NSMAF: variants seen among roughly 807,000 people sequenced by gnomAD.
The protein encoded by NSMAF is protein FAN.
A neutral mutation model predicts 134.9 loss-of-function variants in NSMAF; 90 were observed. The observed-to-expected ratio is 0.67, with a 90% CI of 0.56 to 0.79. The LOEUF (loss-of-function observed/expected upper bound fraction) is 0.79. Ranked by LOEUF, NSMAF falls within the 30% of genes least tolerant of loss-of-function variation. The pLI is 0.00. For missense variants in NSMAF, 1,010 were observed against 1,119.0 expected, an observed-to-expected ratio of 0.90 and a Z score of 1.39; for synonymous variants, 358 against 389.6, an observed-to-expected ratio of 0.92 and a Z score of 0.96.
At chr8:58,658,626 C>T (rs956891415) in intron 1 of NSMAF, among the ~76,000 whole-genome samples, 3 of 152,206 alleles carry the variant, frequency 2.0e-5, no homozygotes, top group Admixed American at 2.0e-4. Flanking sequence ...AGATCTGTGG[C>T]TCTCACAATC....
intron 6 of NSMAF, among the ~76,000 whole-genome samples, chr8:58,626,417 T>C (rs1238790212): frequency 1.3e-5 from 2 of 152,176 alleles, no homozygotes; most frequent in Non-Finnish European, 2.9e-5. Flanking sequence ...CTTATGTCTT[T>C]GCATTCTCAT....
intron 1 of NSMAF, 183 bp downstream of exon 1, chr8:58,659,390 G>A (rs560063238): frequency 1.0e-4 from 156 of 1,518,158 alleles, no homozygotes; most frequent in Non-Finnish European, 1.3e-4. Context: ...CCAGGCCCCC[G>A]GCCTCTCACC....
At chr8:58,643,177 T>C (rs1395542699) in intron 1 of NSMAF, 104 bp from the exon 2 acceptor site, 4 of 803,440 alleles carry the variant, frequency 5.0e-6, no homozygotes, top group African/African-American at 1.7e-5. Flanking sequence ...CATTCTTGAA[T>C]TTAACAAACA....
intron 9 of NSMAF, among the ~76,000 whole-genome samples, chr8:58,612,798 A>G (rs1806560266): frequency 6.6e-6 from 1 of 152,172 alleles, no homozygotes; most frequent in East Asian, 1.9e-4. Flanking sequence ...CTGTGTTGAC[A>G]GCATAGTAGG....
rs904533547 is a variant in NSMAF, at chr8:58,623,126, C to G, written c.557+94G>C. 3.1e-6 allele frequency: 3 copies of G among 960,962 alleles called. No individual in the cohort carries two copies. In the African/African-American group the frequency reaches 4.9e-5, roughly 16 times the overall value. 59.5% of individuals were successfully genotyped at this position (960,962 alleles called of 1,614,324 possible). ...TAAGACAAGCAGGTTTTGGGTGAGA[C>G]CAATGATGACAGCAGGCTTGGATTT... On this transcript the variant is annotated intron_variant, in intron 9 of 30. Coordinates refer to ENST00000038176, the MANE Select transcript of NSMAF (RefSeq NM_003580.4).
chr8:58,593,806 C>T (rs140586276), intron 23 of NSMAF, among the ~76,000 whole-genome samples: 97 of 152,220 alleles, frequency 6.4e-4, no homozygotes, highest in Non-Finnish European at 9.6e-4. Flanking sequence ...TCAAATATCC[C>T]GAAGAAATAT....
chr8:58,624,858 A>C (rs1806881091), intron 6 of NSMAF, among the ~76,000 whole-genome samples: 1 of 152,096 alleles, frequency 6.6e-6, no homozygotes. Flanking sequence ...ATCTCCTACC[A>C]TTATTGTGTT....
chr8:58,586,489 T>G lies in NSMAF; in HGVS notation c.2415A>C (p.Ser805=). 6.2e-7 allele frequency: 1 copy of G among 1,610,268 alleles called. No homozygotes were observed. Among genetic ancestry groups the G allele is most frequent in the Non-Finnish European group, 8.5e-7 (1 of 1,179,984 alleles). The change falls in exon 28 of 31, where the codon TCA becomes TCC. Residue 805 remains serine, a synonymous_variant. Coordinates refer to ENST00000038176, the MANE Select transcript of NSMAF (RefSeq NM_003580.4). The part of the protein sequence containing the change: ...ATLMHQIPCH[S]GIVCDTAFSP... ...TAAAAGCAGTGTCACATACAATCCC[T>G]GAATGGCATGGAATCTGGTGCATTA...
intron 25 of NSMAF, 35 bp downstream of exon 25, chr8:58,589,972 C>G: frequency 1.9e-6 from 3 of 1,580,586 alleles, no homozygotes; most frequent in Non-Finnish European, 2.6e-6. Context: ...CTATTCTGCA[C>G]GTCGAATCAC....
intron 9 of NSMAF, among the ~76,000 whole-genome samples, chr8:58,614,283 T>A (rs1042305434): frequency 6.6e-6 from 1 of 152,232 alleles, no homozygotes; most frequent in African/African-American, 2.4e-5. Flanking sequence ...CTGAAGACTC[T>A]CCCAGCACTC....
chr8:58,603,204 A>T lies in NSMAF; in HGVS notation c.1045+6T>A, dbSNP rs753351808. 1.4e-5 allele frequency: 22 copies of T among 1,613,650 alleles called. No individual in the cohort carries two copies. In the African/African-American group the frequency reaches 2.7e-4, roughly 20 times the overall value. ...ACTTGGTCAGAATTCCACGTGTGGC[A>T]GTTACCTAGTTCTGAGCTGGAATAA... On this transcript the variant is annotated splice_donor_region_variant and intron_variant, in intron 13 of 30. Coordinates refer to ENST00000038176, the MANE Select transcript of NSMAF (RefSeq NM_003580.4).
In NSMAF at chr8:58,590,066, C is replaced by T. The variant is rs187145398; in HGVS notation, c.2028G>A (p.Ser676=). The change falls in exon 25 of 31, where the codon TCG becomes TCA. Residue 676 remains serine (S), a synonymous_variant. Coordinates refer to ENST00000038176, the MANE Select transcript of NSMAF (RefSeq NM_003580.4). ...CATCTCCTGGTAAAAGTAAACAAGACGATAAAGCCTGAAATACAAATGATT... is the reference window on the plus strand; with the variant it reads ...CATCTCCTGGTAAAAGTAAACAAGATGATAAAGCCTGAAATACAAATGATT... ...RSISFSNMAL[S]SCLLLPGDAT... 28 of 1,612,934 alleles carry T rather than the reference C, an allele frequency of 1.7e-5. No individual in the cohort carries two copies. Among genetic ancestry groups the T allele is most frequent in the Admixed American group, 1.2e-4 (7 of 59,992 alleles).
At chr8:58,599,585 A>G (rs905141381) in intron 18 of NSMAF, 165 bp downstream of exon 18, 1 of 891,136 alleles carries the variant, frequency 1.1e-6, no homozygotes, top group African/African-American at 1.7e-5. Context: ...TAATGTTTTT[A>G]CATCACAGAC....
intron 9 of NSMAF, among the ~76,000 whole-genome samples, chr8:58,614,660 AAAGTC>A (rs1256712146): frequency 6.6e-6 from 1 of 152,204 alleles, no homozygotes; most frequent in Non-Finnish European, 1.5e-5. Context: ...AGTGTGTATA[AAAGTC>A]AAGTGCTGTC....
At position 58,587,706 on chromosome 8, in the gene NSMAF, G is replaced by C. The variant is rs768622448; in HGVS notation, c.2212-5C>G. ...TGCAGGAACACCAGACCACACCTAG[G>C]ATGGAACATATTGCAGAAGGTATTT... On this transcript the variant is annotated splice_polypyrimidine_tract_variant and splice_region_variant and intron_variant, in intron 26 of 30. Coordinates refer to ENST00000038176, the MANE Select transcript of NSMAF (RefSeq NM_003580.4). 281 of 1,612,230 alleles carry C rather than the reference G, an allele frequency of 1.7e-4. No homozygotes were observed. Among genetic ancestry groups the C allele is most frequent in the Non-Finnish European group, 2.2e-4 (258 of 1,179,034 alleles).
chr8:58,623,815 G>T, intron 6 of NSMAF, 35 bp from the exon 7 acceptor site: 1 of 1,535,690 alleles, frequency 6.5e-7, no homozygotes, highest in Non-Finnish European at 9.0e-7. Flanking sequence ...AATACAGGAA[G>T]AGAAGAAGTG....
At chr8:58,639,917 C>T (rs78267912) in intron 2 of NSMAF, 4,680 of 338,554 alleles carry the variant, frequency 0.014, 224 homozygotes, top group African/African-American at 0.094. Flanking sequence ...CATGATTTCA[C>T]GTAGACTCTA....
intron 23 of NSMAF, among the ~76,000 whole-genome samples, chr8:58,592,861 T>C (rs1335842551): frequency 6.7e-6 from 1 of 150,056 alleles, no homozygotes; most frequent in African/African-American, 2.5e-5. Flanking sequence ...CCCTCCAGCC[T>C]GGGCGACGGA....
chr8:58,632,103 C>A (rs1466477306), intron 5 of NSMAF, among the ~76,000 whole-genome samples: 1 of 152,122 alleles, frequency 6.6e-6, no homozygotes, highest in East Asian at 1.9e-4. Flanking sequence ...ATGGAAGTTA[C>A]CTGAGCTCTC....
Sources: allele counts gnomAD v4.1 joint callset (sites outside exome capture counted in the v4.1 genomes callset), GRCh38; gene constraint gnomAD v4.1.1; transcripts MANE v1.5; gene names NCBI Gene and HGNC (gene_info 2026-07-23, HGNC 2026-07-21).